The following ZNF76 variants were observed in gnomAD, a reference collection of about 807,000 sequenced individuals.
ZNF76 encodes the protein zinc finger protein 523.
Under a neutral mutation model 66.9 loss-of-function variants are expected in ZNF76, and 66 were observed. That is an observed-to-expected ratio of 0.99 (90% CI 0.81 to 1.21). ZNF76 has a LOEUF of 1.21. ZNF76 is among the 50% of genes most tolerant of loss of function. The probability of loss-of-function intolerance (pLI) is 0.00; values close to 1 mark genes in which losing one functional copy is unlikely to be tolerated. For missense variants in ZNF76, 729 were observed against 760.3 expected, an observed-to-expected ratio of 0.96 and a Z score of 0.48; for synonymous variants, 275 against 296.1, an observed-to-expected ratio of 0.93 and a Z score of 0.73.
At chr6:35,276,756 C>T (rs71567491) in intron 1 of ZNF76, among the ~76,000 whole-genome samples, 1,537 of 148,724 alleles carry the variant, frequency 0.01, 36 homozygotes, top group African/African-American at 0.035. Context: ...CAACCTATGT[C>T]TGCTTTGTTT....
chr6:35,291,225 G>A (rs1393929178), intron 7 of ZNF76, 53 bp from the exon 8 acceptor site: 9 of 1,562,364 alleles, frequency 5.8e-6, no homozygotes, highest in Non-Finnish European at 7.8e-6. Context: ...GACGGTGGAG[G>A]ATGAGACCCC....
intron 1 of ZNF76, among the ~76,000 whole-genome samples, chr6:35,261,481 T>C (rs559165722): frequency 1.3e-5 from 2 of 150,286 alleles, no homozygotes; most frequent in East Asian, 2.0e-4. Flanking sequence ...TTAATTATTA[T>C]TATATCCACC....
At chr6:35,284,145 G>A (rs982974008) in intron 2 of ZNF76, among the ~76,000 whole-genome samples, 2 of 151,948 alleles carry the variant, frequency 1.3e-5, no homozygotes, top group African/African-American at 4.8e-5. Flanking sequence ...AGGCTGGAGT[G>A]CAGTGGCGTG....
chr6:35,295,213 AC>A lies in ZNF76; in HGVS notation c.1681del (p.Leu561TrpfsTer42), dbSNP rs745644406. On this transcript the variant is annotated frameshift_variant, in exon 14 of 14. Transcript: ENST00000373953. LOFTEE classifies it high-confidence loss of function. ...TGCGGCCATGCAGCAAGGGGCTGTGACCCTGGAGACAACAGTGTCGGAGAGT... is the reference window on the plus strand; with the variant it reads ...TGCGGCCATGCAGCAAGGGGCTGTGACCTGGAGACAACAGTGTCGGAGAGT... ...ATAAMQQGAV[T>X]LETTVSESGC 1 of 1,610,864 alleles carries A rather than the reference AC, an allele frequency of 6.2e-7. No individual in the cohort carries two copies. The highest frequency in any genetic ancestry group is 8.5e-7 in the Non-Finnish European group (1 of 1,178,666).
intron 5 of ZNF76, among the ~76,000 whole-genome samples, chr6:35,289,384 C>G (rs1790055389): frequency 6.6e-6 from 1 of 152,200 alleles, no homozygotes; most frequent in Admixed American, 6.5e-5. Context: ...CTGCTTGAGC[C>G]TCTGAGCTGG....
Position 35,291,739 on chromosome 6 carries a change from TG to T in ZNF76, c.931+5del. ...AGAATCACGTGCGCATCCACACAGG[TG>T]GGCTAGCTGGCATGCGAGGACTACC... On this transcript the variant is annotated splice_donor_region_variant and intron_variant, in intron 9 of 13. Coordinates refer to ENST00000373953, the MANE Select transcript of ZNF76 (RefSeq NM_003427.5). 1 of 1,605,618 alleles carries T rather than the reference TG, an allele frequency of 6.2e-7. No homozygotes were observed. The highest frequency in any genetic ancestry group is 8.5e-7 in the Non-Finnish European group (1 of 1,179,946).
intron 5 of ZNF76, among the ~76,000 whole-genome samples, chr6:35,289,314 A>G (rs1410490132): frequency 6.6e-6 from 1 of 152,206 alleles, no homozygotes; most frequent in African/African-American, 2.4e-5. Context: ...CAAGCAGGTC[A>G]GGCCACCTCT....
intron 2 of ZNF76, among the ~76,000 whole-genome samples, chr6:35,283,324 G>C (rs1393321196): frequency 6.6e-6 from 1 of 152,182 alleles, no homozygotes; most frequent in East Asian, 1.9e-4. Flanking sequence ...CTCCTTCAGA[G>C]ACCAGAACCA....
chr6:35,294,402 T>C, intron 12 of ZNF76, 54 bp from the exon 13 acceptor site: 1 of 1,196,606 alleles, frequency 8.4e-7, no homozygotes, highest in Non-Finnish European at 1.2e-6. Context: ...ATTTGGATTG[T>C]GGGGAGGGAG....
intron 1 of ZNF76, among the ~76,000 whole-genome samples, chr6:35,262,899 G>A (rs528170775): frequency 9.9e-5 from 15 of 151,864 alleles, no homozygotes; most frequent in Non-Finnish European, 1.9e-4. Context: ...TTTCAAACCC[G>A]GATTGTCTTT....
chr6:35,289,167 T>G (rs1165664671), intron 5 of ZNF76, among the ~76,000 whole-genome samples: 5 of 152,124 alleles, frequency 3.3e-5, no homozygotes, highest in African/African-American at 1.2e-4. Flanking sequence ...CGACCTCAGC[T>G]TATTCCTAAT....
In ZNF76 at chr6:35,291,412, G is replaced by C. The variant is rs754014390; in HGVS notation, c.751+9G>C. ...TGTCCGTACCCACACTGGTATGCTG[G>C]GCCCTGCCCACTCCAACCCCATTCC... On this transcript the variant is annotated intron_variant, in intron 8 of 13. Transcript: ENST00000373953. 6.2e-6 allele frequency: 10 copies of C among 1,613,958 alleles called. No homozygotes were observed. The highest frequency in any genetic ancestry group is 1.1e-5 in the South Asian group (1 of 91,086).
Position 35,291,717 on chromosome 6 carries a change from A to C in ZNF76, c.911A>C (p.Asn304Thr), listed in dbSNP as rs1345721720. ...RGFTSATNYK[N>T]HVRIHTGEKP... The stretch of plus-strand genomic sequence containing the variant: ...TTCACCAGCGCCACCAACTATAAGA[A>C]TCACGTGCGCATCCACACAGGTGGG... Residue 304 changes from asparagine (N) to threonine (T), a missense_variant, in exon 9 of 14, where the codon AAT becomes ACT. Coordinates refer to ENST00000373953, the MANE Select transcript of ZNF76 (RefSeq NM_003427.5). 6.2e-7 allele frequency: 1 copy of C among 1,610,212 alleles called. No homozygotes were observed. The highest frequency in any genetic ancestry group is 2.2e-5 in the East Asian group (1 of 44,860).
At position 35,292,234 on chromosome 6, in the gene ZNF76, C is replaced by T; in HGVS notation, c.932-320C>T. Reference sequence around the variant, plus strand: ...TACTTCAGTCATCCTTGCCTCTTGCCTCTGCTGTTCACCATTCTCAACCTC... The same window carrying T: ...TACTTCAGTCATCCTTGCCTCTTGCTTCTGCTGTTCACCATTCTCAACCTC... On this transcript the variant is annotated intron_variant, in intron 9 of 13. Coordinates refer to ENST00000373953, the MANE Select transcript of ZNF76 (RefSeq NM_003427.5). The surrounding 1 kb of genome is among the most constrained non-coding windows in gnomAD (Gnocchi z 4.7). The T allele has an allele frequency of 4.3e-6, 2 of 467,626 alleles. No homozygotes were observed. Among genetic ancestry groups the T allele is most frequent in the Non-Finnish European group, 7.9e-6 (2 of 252,228 alleles). The allele number at this position is 467,626 out of a possible 1,614,324, so 29.0% of individuals were successfully genotyped here.
chr6:35,270,108 C>T (rs561810542), intron 1 of ZNF76, among the ~76,000 whole-genome samples: 1 of 152,080 alleles, frequency 6.6e-6, no homozygotes, highest in South Asian at 2.1e-4. Flanking sequence ...ATTTATGTTG[C>T]GTAGGTAACA....
In ZNF76 at chr6:35,292,756, G is replaced by A. The variant is rs534275666; in HGVS notation, c.1134G>A (p.Glu378=). 1.2e-6 allele frequency: 2 copies of A among 1,614,046 alleles called. No individual in the cohort carries two copies. The highest frequency in any genetic ancestry group is 1.1e-5 in the South Asian group (1 of 91,070). ...HGELEATEES[E]QALYEQQQLE... Reference sequence around the variant, plus strand: ...AGCTGGAGGCCACGGAGGAGAGCGAGCAGGCCCTCTATGAGCAGCAGCAAC... The same window carrying A: ...AGCTGGAGGCCACGGAGGAGAGCGAACAGGCCCTCTATGAGCAGCAGCAAC... Residue 378 remains glutamate, a synonymous_variant, in exon 10 of 14, where the codon GAG becomes GAA. Transcript: ENST00000373953. This position sits in a 1 kb window ranked among gnomAD's most constrained non-coding sequence, Gnocchi z 4.7.
At chr6:35,263,998 G>A (rs1450866429) in intron 1 of ZNF76, among the ~76,000 whole-genome samples, 4 of 152,080 alleles carry the variant, frequency 2.6e-5, no homozygotes, top group African/African-American at 9.7e-5. Flanking sequence ...TGATCCACTC[G>A]CCTCAGCCTC....
intron 1 of ZNF76, among the ~76,000 whole-genome samples, chr6:35,278,501 C>T (rs896721129): frequency 2.6e-5 from 4 of 152,228 alleles, no homozygotes; most frequent in African/African-American, 9.6e-5. Context: ...GCAATGTGAA[C>T]TTCTGACTTT....
intron 1 of ZNF76, among the ~76,000 whole-genome samples, chr6:35,262,434 TC>T (rs769662304): frequency 6.6e-6 from 1 of 152,216 alleles, no homozygotes; most frequent in Non-Finnish European, 1.5e-5. Flanking sequence ...TCTCTCTTCA[TC>T]CTTTGCCCAA....
Sources: gnomAD v4.1 joint callset for allele counts (sites outside exome capture counted in the v4.1 genomes callset) on GRCh38, gnomAD v4.1.1 for gene constraint, Gnocchi (gnomAD v3.1) non-coding constraint, MANE v1.5 for transcripts, NCBI Gene and HGNC (gene_info 2026-07-23, HGNC 2026-07-21) for gene names.